The following TBC1D5 variants were observed in gnomAD, a reference collection of about 807,000 sequenced individuals.
TBC1D5 encodes the protein TBC1 domain family, member 5.
Under a neutral mutation model 100.3 loss-of-function variants are expected in TBC1D5, and 75 were observed. The ratio of observed to expected loss-of-function variants is 0.75; its 90% CI spans 0.62 to 0.91. The LOEUF (loss-of-function observed/expected upper bound fraction) is 0.91. Among genes scored for constraint, TBC1D5 ranks in the 40% least tolerant of loss-of-function variants. The pLI is 0.00. For synonymous variants in TBC1D5, 323 were observed against 325.6 expected (o/e 0.99, Z 0.09); for missense variants, 910 against 942.4 (o/e 0.97, Z 0.45).
rs541571857 is a variant in TBC1D5, at chr3:17,588,408, T to C, written c.-36+35441A>G. ...TCACTGAAAGGATATACCAATTCTT[T>C]TTCTAGTTATTCTCTTAGGAATTAC... On this transcript the variant is annotated intron_variant, in intron 2 of 21. Coordinates refer to ENST00000253692, the Ensembl canonical transcript of TBC1D5. Among the ~76,000 whole-genome samples the C allele has an allele frequency of 5.3e-5, 8 of 152,266 alleles. No homozygotes were observed. The South Asian group carries it at 1.7e-3, about 32-fold the overall frequency.
intron 8 of TBC1D5, among the ~76,000 whole-genome samples, chr3:17,386,119 C>A (rs561586175): frequency 4.6e-5 from 7 of 152,032 alleles, no homozygotes; most frequent in Non-Finnish European, 7.4e-5. Flanking sequence ...AGCCATTAAG[C>A]TACGAATAGA....
At chr3:17,492,590 A>G (rs1230429359) in intron 3 of TBC1D5, among the ~76,000 whole-genome samples, 2 of 152,100 alleles carry the variant, frequency 1.3e-5, no homozygotes. Flanking sequence ...ATGTGCCACC[A>G]GGTCTGGTTA....
intron 1 of TBC1D5, among the ~76,000 whole-genome samples, chr3:17,657,183 C>T (rs147000835): frequency 9.2e-5 from 14 of 152,140 alleles, no homozygotes; most frequent in African/African-American, 2.9e-4. Context: ...CAACTCCCTG[C>T]GTATATCTCT....
At chr3:17,239,656 G>C (rs2076152177) in intron 16 of TBC1D5, among the ~76,000 whole-genome samples, 1 of 151,994 alleles carries the variant, frequency 6.6e-6, no homozygotes, top group South Asian at 2.1e-4. Flanking sequence ...CCTCTCAGCA[G>C]CTATCAACTC....
At chr3:17,444,310 A>C (rs941469896) in intron 3 of TBC1D5, among the ~76,000 whole-genome samples, 1 of 152,104 alleles carries the variant, frequency 6.6e-6, no homozygotes. Flanking sequence ...ATGCAATTAC[A>C]TGAGGATACT....
At chr3:17,395,195 A>G (rs1250803952) in intron 8 of TBC1D5, among the ~76,000 whole-genome samples, 1 of 152,024 alleles carries the variant, frequency 6.6e-6, no homozygotes, top group Non-Finnish European at 1.5e-5. Context: ...GTCTTCATCT[A>G]AGGTTCTTTC....
At chr3:17,471,126 G>C (rs1469003037) in intron 3 of TBC1D5, among the ~76,000 whole-genome samples, 1 of 152,138 alleles carries the variant, frequency 6.6e-6, no homozygotes, top group East Asian at 1.9e-4. Context: ...TTTTCTGCTA[G>C]GTGATCACAC....
chr3:17,455,440 GTA>G (rs147661389), intron 3 of TBC1D5, among the ~76,000 whole-genome samples: 13,744 of 145,346 alleles, frequency 0.095, 1,538 homozygotes, highest in African/African-American at 0.27. Flanking sequence ...GTATGTGTGT[GTA>G]TATATATATG....
At chr3:17,178,487 T>C (rs959880824) in intron 19 of TBC1D5, among the ~76,000 whole-genome samples, 7 of 152,136 alleles carry the variant, frequency 4.6e-5, no homozygotes, top group African/African-American at 1.7e-4. Flanking sequence ...AGTGCAGATA[T>C]CTCTTCGATA....
intron 3 of TBC1D5, among the ~76,000 whole-genome samples, chr3:17,437,806 C>G (rs2094565632): frequency 1.3e-5 from 2 of 152,132 alleles, no homozygotes. Context: ...TCTGATGATA[C>G]ACAGGCCTTT....
At chr3:17,489,603 T>C (rs970485100) in intron 3 of TBC1D5, among the ~76,000 whole-genome samples, 1 of 152,186 alleles carries the variant, frequency 6.6e-6, no homozygotes, top group African/African-American at 2.4e-5. Context: ...CCTGCATTAA[T>C]TTGCTGAGGA....
At chr3:17,526,580 T>C (rs2153356732) in intron 2 of TBC1D5, among the ~76,000 whole-genome samples, 1 of 152,298 alleles carries the variant, frequency 6.6e-6, no homozygotes, top group Admixed American at 6.5e-5. Flanking sequence ...ATTAGACAAA[T>C]TAGCTAAACT....
chr3:17,495,469 T>A (rs1184460000), intron 3 of TBC1D5, among the ~76,000 whole-genome samples: 1 of 152,252 alleles, frequency 6.6e-6, no homozygotes, highest in East Asian at 1.9e-4. Flanking sequence ...TGCCACTTGA[T>A]AACATGATAG....
At chr3:17,621,448 C>A (rs2062650119) in intron 2 of TBC1D5, among the ~76,000 whole-genome samples, 1 of 152,156 alleles carries the variant, frequency 6.6e-6, no homozygotes, top group Non-Finnish European at 1.5e-5. Context: ...AAAAGATAAT[C>A]CTGCAACAAC....
intron 21 of TBC1D5, among the ~76,000 whole-genome samples, chr3:17,163,804 CT>C (rs1466109322): frequency 2.0e-5 from 3 of 152,184 alleles, no homozygotes; most frequent in African/African-American, 7.2e-5. Context: ...GCTAGTGTGA[CT>C]GAGGAACTGA....
intron 3 of TBC1D5, among the ~76,000 whole-genome samples, chr3:17,470,126 T>C (rs543697374): frequency 1.3e-5 from 2 of 152,316 alleles, no homozygotes; most frequent in African/African-American, 4.8e-5. Flanking sequence ...AGAAAAAACA[T>C]GTGTTCATTT....
At chr3:17,601,893 G>C (rs1272848754) in intron 2 of TBC1D5, among the ~76,000 whole-genome samples, 1 of 151,758 alleles carries the variant, frequency 6.6e-6, no homozygotes, top group Non-Finnish European at 1.5e-5. Flanking sequence ...GCAGTGGCGC[G>C]ATCTCGGCTC....
intron 16 of TBC1D5, among the ~76,000 whole-genome samples, chr3:17,247,231 T>C (rs1017603415): frequency 1.3e-5 from 2 of 152,190 alleles, no homozygotes; most frequent in African/African-American, 4.8e-5. Context: ...AATTAAGCAC[T>C]CCACTGGGAG....
At chr3:17,624,868 CG>C (rs2062931629) in intron 1 of TBC1D5, among the ~76,000 whole-genome samples, 1 of 152,004 alleles carries the variant, frequency 6.6e-6, no homozygotes, top group Admixed American at 6.6e-5. Context: ...TAAAACAACA[CG>C]TAACTTTTAT....
Sources: allele counts gnomAD v4.1 joint callset (sites outside exome capture counted in the v4.1 genomes callset), GRCh38; gene constraint gnomAD v4.1.1; transcripts MANE v1.5; gene names NCBI Gene and HGNC (gene_info 2026-07-23, HGNC 2026-07-21).